Variants in TRAPPC9 observed in about 807,000 individuals in gnomAD.
TRAPPC9 encodes IKK2 binding protein.
In TRAPPC9, 83 loss-of-function variants were observed where a neutral mutation model predicts 124.0. That is an observed-to-expected ratio of 0.67 (90% CI 0.56 to 0.80). TRAPPC9 has a LOEUF of 0.80. Ranked by LOEUF, TRAPPC9 falls within the 30% of genes least tolerant of loss-of-function variation. The probability of loss-of-function intolerance (pLI) is 0.00; values close to 1 mark genes in which losing one functional copy is unlikely to be tolerated. For synonymous variants in TRAPPC9, 638 were observed against 617.5 expected (o/e 1.03, Z -0.49); for missense variants, 1,302 against 1,508.3 (o/e 0.86, Z 2.27).
chr8:139,974,557 G>T (rs1265122957), intron 19 of TRAPPC9, among the ~76,000 whole-genome samples: 1 of 151,782 alleles, frequency 6.6e-6, no homozygotes, highest in Non-Finnish European at 1.5e-5. Flanking sequence ...GCTCACAGAG[G>T]TTAAGAAAAT....
At chr8:140,259,499 G>A (rs567877563) in intron 15 of TRAPPC9, among the ~76,000 whole-genome samples, 10 of 152,278 alleles carry the variant, frequency 6.6e-5, no homozygotes, top group Non-Finnish European at 1.0e-4. Context: ...GGCTCCGGCC[G>A]GCTATCCTTC....
chr8:140,079,135 G>T (rs2129965261), intron 17 of TRAPPC9, among the ~76,000 whole-genome samples: 1 of 152,276 alleles, frequency 6.6e-6, no homozygotes, highest in South Asian at 2.1e-4. Flanking sequence ...CTTGCCTGCT[G>T]CCATGTAAGA....
chr8:140,367,428 T>C (rs1008613606), intron 8 of TRAPPC9, among the ~76,000 whole-genome samples: 1 of 152,166 alleles, frequency 6.6e-6, no homozygotes, highest in Non-Finnish European at 1.5e-5. Flanking sequence ...AGAAAAGATA[T>C]GAAGGAAACT....
intron 19 of TRAPPC9, among the ~76,000 whole-genome samples, chr8:139,971,622 C>T (rs1836070820): frequency 6.6e-6 from 1 of 152,100 alleles, no homozygotes; most frequent in Admixed American, 6.5e-5. Context: ...ATGCCTTGTT[C>T]TCAGCTGTTT....
intron 17 of TRAPPC9, chr8:140,098,805 G>C (rs942497883): frequency 6.7e-6 from 1 of 149,950 alleles, no homozygotes; most frequent in South Asian, 2.1e-4. Flanking sequence ...CTCCGCAGCT[G>C]TCCGCAGGGG....
intron 9 of TRAPPC9, among the ~76,000 whole-genome samples, chr8:140,344,954 A>G (rs927640209): frequency 2.0e-5 from 3 of 152,262 alleles, no homozygotes; most frequent in Non-Finnish European, 2.9e-5. Context: ...CTGATGTACT[A>G]GACGTGGGGC....
intron 18 of TRAPPC9, among the ~76,000 whole-genome samples, chr8:140,001,312 A>G (rs931180132): frequency 1.3e-5 from 2 of 152,232 alleles, no homozygotes; most frequent in African/African-American, 4.8e-5. Context: ...TGGGTGCAGC[A>G]AACCAACATG....
chr8:139,937,228 T>C (rs999455661), intron 19 of TRAPPC9, among the ~76,000 whole-genome samples: 1 of 152,130 alleles, frequency 6.6e-6, no homozygotes, highest in African/African-American at 2.4e-5. Flanking sequence ...TTTTATATTA[T>C]GGGAAGAGGC....
chr8:140,211,832 G>C (rs529992387), intron 17 of TRAPPC9, among the ~76,000 whole-genome samples: 1 of 152,306 alleles, frequency 6.6e-6, no homozygotes, highest in South Asian at 2.1e-4. Flanking sequence ...GTGTACAGAA[G>C]GCATGCTTCA....
At chr8:139,962,279 C>T (rs1293822015) in intron 19 of TRAPPC9, among the ~76,000 whole-genome samples, 1 of 124,644 alleles carries the variant, frequency 8.0e-6, no homozygotes, top group Non-Finnish European at 1.9e-5. Context: ...CTCCAAAGAT[C>T]CCAAGATCCC....
intron 17 of TRAPPC9, among the ~76,000 whole-genome samples, chr8:140,122,458 A>C (rs2061006826): frequency 6.6e-6 from 1 of 152,188 alleles, no homozygotes; most frequent in Non-Finnish European, 1.5e-5. Context: ...ATAGATAACT[A>C]TTGCATATAG....
chr8:140,457,088 G>A (rs559810657), intron 1 of TRAPPC9, among the ~76,000 whole-genome samples: 2 of 152,248 alleles, frequency 1.3e-5, no homozygotes, highest in African/African-American at 2.4e-5. Flanking sequence ...TTGAATCCAG[G>A]AGACAGGAGG....
At chr8:140,435,278 CAAAAAACAAAAACCAG>C (rs2070776013) in intron 3 of TRAPPC9, 38 bp from the exon 4 acceptor site, 1 of 325,000 alleles carries the variant, frequency 3.1e-6, no homozygotes. Context: ...AACCAGAAAA[CAAAAAACAAAAACCAG>C]CATCATTAGT....
chr8:140,120,731 CCAA>C (rs1430786117), intron 17 of TRAPPC9, among the ~76,000 whole-genome samples: 8 of 151,746 alleles, frequency 5.3e-5, no homozygotes, highest in African/African-American at 1.9e-4. Context: ...ATCCATCCAT[CCAA>C]CATCCATCCA....
At chr8:140,058,885 T>C (rs564926389) in intron 17 of TRAPPC9, among the ~76,000 whole-genome samples, 1 of 152,272 alleles carries the variant, frequency 6.6e-6, no homozygotes, top group East Asian at 1.9e-4. Context: ...AGGAGGGCCT[T>C]TGCGGCAGTG....
At chr8:139,917,012 G>A (rs1426857372) in intron 19 of TRAPPC9, among the ~76,000 whole-genome samples, 1 of 152,134 alleles carries the variant, frequency 6.6e-6, no homozygotes, top group African/African-American at 2.4e-5. Flanking sequence ...TCATCTTCCT[G>A]ACTCGTCCAT....
At chr8:139,888,808 C>T (rs747166898) in intron 20 of TRAPPC9, among the ~76,000 whole-genome samples, 1 of 152,168 alleles carries the variant, frequency 6.6e-6, no homozygotes, top group African/African-American at 2.4e-5. Context: ...CCTGGAAGTT[C>T]GGATTCTAGC....
intron 7 of TRAPPC9, among the ~76,000 whole-genome samples, chr8:140,383,813 C>G (rs2068680132): frequency 6.6e-6 from 1 of 152,140 alleles, no homozygotes; most frequent in African/African-American, 2.4e-5. Flanking sequence ...ATACAGAGAA[C>G]ACCACAAAGA....
At chr8:140,024,177 A>T in intron 17 of TRAPPC9, 98 bp from the exon 18 acceptor site, 1 of 1,436,926 alleles carries the variant, frequency 7.0e-7, no homozygotes, top group Admixed American at 1.7e-5. Flanking sequence ...AAGAGTCTGA[A>T]GATAATCCCA....
Sources: gnomAD v4.1 joint callset for allele counts (sites outside exome capture counted in the v4.1 genomes callset) on GRCh38, gnomAD v4.1.1 for gene constraint, MANE v1.5 for transcripts, NCBI Gene and HGNC (gene_info 2026-07-23, HGNC 2026-07-21) for gene names.